The following DSG4 variants were observed in gnomAD, a reference collection of about 807,000 sequenced individuals.
DSG4 encodes the protein desmoglein-4.
A neutral mutation model predicts 93.1 loss-of-function variants in DSG4; 87 were observed. The observed-to-expected ratio is 0.93, with a 90% CI of 0.79 to 1.12. The LOEUF is 1.12. Among genes scored for constraint, DSG4 ranks in the 50% most tolerant of loss-of-function variants. DSG4 has a pLI of 0.00. For missense variants in DSG4, 1,373 were observed against 1,285.7 expected, an observed-to-expected ratio of 1.07 and a Z score of -1.04; for synonymous variants, 432 against 452.9, an observed-to-expected ratio of 0.95 and a Z score of 0.59.
rs145443659 is a variant in DSG4 at position 31,388,371 on chromosome 18, G to A, written c.221G>A (p.Arg74Gln). The A allele has an allele frequency of 6.2e-6, 10 of 1,612,836 alleles. No homozygotes were observed. Among genetic ancestry groups the A allele is most frequent in the Admixed American group, 1.7e-5 (1 of 59,918 alleles). ...TCCTAGCTATTTTTCTTATAGATTC[G>A]ATCAGACTGCGAATCGAACCAGAAG... Reference protein sequence around the residue: ...NSKRNPIAKIRSDCESNQKIT... With the variant: ...NSKRNPIAKIQSDCESNQKIT... Residue 74 changes from arginine (R) to glutamine (Q), a missense_variant, in exon 4 of 16, where the codon CGA becomes CAA. Physicochemically the swap from Arg to Gln is conservative, Grantham distance 43 (BLOSUM62 1). Transcript: ENST00000308128.
At chr18:31,397,469 G>A (rs2144191399) in intron 8 of DSG4, among the ~76,000 whole-genome samples, 1 of 152,152 alleles carries the variant, frequency 6.6e-6, no homozygotes, top group East Asian at 1.9e-4. Flanking sequence ...AGAAAATCCT[G>A]ACTAAAGGGC....
chr18:31,411,245 A>C lies in DSG4; in HGVS notation c.2152A>C (p.Thr718Pro). ...TCCCTTTTCAGAAATCTACACCAAC[A>C]CCTATGCAGCCGGGGGCACGGTGGA... is the stretch of plus-strand genomic sequence containing the variant. Reference protein sequence around the residue: ...RMDSSEIYTNTYAAGGTVEGG... With the variant: ...RMDSSEIYTNPYAAGGTVEGG... Residue 718 changes from threonine to proline, a missense_variant, in exon 15 of 16, where the codon ACC becomes CCC. Transcript: ENST00000308128. 1 of 1,613,646 alleles carries C rather than the reference A, an allele frequency of 6.2e-7. No individual in the cohort carries two copies.
intron 14 of DSG4, among the ~76,000 whole-genome samples, chr18:31,410,272 A>C (rs2072471936): frequency 6.6e-6 from 1 of 152,032 alleles, no homozygotes; most frequent in Admixed American, 6.6e-5. Context: ...CTTATCTTTA[A>C]AATTGAGCTT....
chr18:31,414,139 C>A lies in DSG4; in HGVS notation c.*544C>A, dbSNP rs886749761. The A allele has an allele frequency of 2.0e-5, 3 of 152,524 alleles. No individual in the cohort carries two copies. The highest frequency in any genetic ancestry group is 7.2e-5 in the African/African-American group (3 of 41,384). The allele number at this position is 152,524 out of a possible 1,614,324, so 9.4% of individuals were successfully genotyped here. A position where few individuals can be genotyped will look rare whatever the true frequency, so the allele number is the denominator to read the frequency against. On this transcript the variant is annotated 3_prime_UTR_variant, in exon 16 of 16. Coordinates refer to ENST00000308128, the MANE Select transcript of DSG4 (RefSeq NM_177986.5). ...CTTCAAAAGATTTTTCAATATTATGCGCTATTAAGCAATAGGAGATGCTTA... is the reference window on the plus strand; with the variant it reads ...CTTCAAAAGATTTTTCAATATTATGAGCTATTAAGCAATAGGAGATGCTTA...
Position 31,385,157 on chromosome 18 carries a change from G to GA in DSG4, c.72dup (p.Phe25IlefsTer4). 6.3e-7 allele frequency: 1 copy of GA among 1,595,534 alleles called. No homozygotes were observed. The highest frequency in any genetic ancestry group is 8.6e-7 in the Non-Finnish European group (1 of 1,168,484). On this transcript the variant is annotated frameshift_variant, in exon 2 of 16. Coordinates refer to ENST00000308128, the MANE Select transcript of DSG4 (RefSeq NM_177986.5). LOFTEE classifies it high-confidence loss of function. ...ACAGGTGGTGATGGAAGTAAACAGT[G>GA]AATTTATTGTTGAGGTAATGTAAAA...
chr18:31,396,381 T>TTTTG (rs2072305952), intron 8 of DSG4, among the ~76,000 whole-genome samples: 1 of 141,868 alleles, frequency 7.0e-6, no homozygotes, highest in African/African-American at 2.7e-5. Context: ...TTTTTTTTTT[T>TTTTG]GAGACAGAGT....
rs752695249 is a variant in DSG4, at chr18:31,406,148, G to T, written c.1708G>T (p.Asp570Tyr). The T allele has an allele frequency of 1.2e-6, 2 of 1,614,092 alleles. No homozygotes were observed. Among genetic ancestry groups the T allele is most frequent in the Non-Finnish European group, 1.7e-6 (2 of 1,180,020 alleles). Residue 570 changes from aspartate (D) to tyrosine (Y), a missense_variant, in exon 12 of 16, where the codon GAC becomes TAC. Physicochemically the swap from Asp to Tyr is radical, Grantham distance 160 (BLOSUM62 -3). Transcript: ENST00000308128. ...GFYEIPILVK[D>Y]SYNRACELAQ... ...TTATGAAATCCCAATCCTGGTGAAG[G>T]ACAGCTATAACAGAGCATGTGAATT...
chr18:31,380,364 A>G (rs1030252373), intron 1 of DSG4, among the ~76,000 whole-genome samples: 2 of 152,192 alleles, frequency 1.3e-5, no homozygotes, highest in Non-Finnish European at 2.9e-5. Flanking sequence ...AGTTCCGTAT[A>G]GAGCAATGAA....
At position 31,391,241 on chromosome 18, in the gene DSG4, C is replaced by CCATAAGTGTCAATAATCAATTTG. The variant is rs754409805; in HGVS notation, c.819+50_819+72dup. 142 of 1,612,584 alleles carry CCATAAGTGTCAATAATCAATTTG rather than the reference C, an allele frequency of 8.8e-5. No homozygotes were observed. The African/African-American group carries it at 1.6e-3, about 18-fold the overall frequency. Reference sequence around the variant, plus strand: ...AGTTTGTATTCTTATCTTCCTTTTTCCATAAGTGTCAATAATCAATTTGCA... The same window carrying CCATAAGTGTCAATAATCAATTTG: ...AGTTTGTATTCTTATCTTCCTTTTTCCATAAGTGTCAATAATCAATTTGCATAAGTGTCAATAATCAATTTGCA... On this transcript the variant is annotated intron_variant, in intron 7 of 15. Coordinates refer to ENST00000308128, the MANE Select transcript of DSG4 (RefSeq NM_177986.5).
intron 1 of DSG4, among the ~76,000 whole-genome samples, chr18:31,383,974 T>C (rs963067667): frequency 6.6e-6 from 1 of 152,166 alleles, no homozygotes; most frequent in African/African-American, 2.4e-5. Context: ...GATGATAAAT[T>C]GCCTTATAGA....
In DSG4 at chr18:31,399,528, C is replaced by G. The variant is rs1385849150; in HGVS notation, c.1262C>G (p.Pro421Arg). The G allele has an allele frequency of 6.2e-7, 1 of 1,613,942 alleles. No individual in the cohort carries two copies. The highest frequency in any genetic ancestry group is 1.3e-5 in the African/African-American group (1 of 75,030). Residue 421 changes from proline (P) to arginine (R), a missense_variant, in exon 9 of 16, where the codon CCT becomes CGT. Physicochemically the swap from Pro to Arg is moderately radical, Grantham distance 103. Coordinates refer to ENST00000308128, the MANE Select transcript of DSG4 (RefSeq NM_177986.5). ...GCCATAGATTTGGACACAGGAAACC[C>G]TGCAACAGATGTCAGGTACTGCAAC... Reference protein sequence around the residue: ...YTAIDLDTGNPATDVRYIIGH... With the variant: ...YTAIDLDTGNRATDVRYIIGH...
At chr18:31,409,067 G>A (rs1040852674) in intron 12 of DSG4, among the ~76,000 whole-genome samples, 3 of 152,214 alleles carry the variant, frequency 2.0e-5, no homozygotes, top group African/African-American at 7.2e-5. Context: ...AGGTCCTATA[G>A]CTGAATCCTG....
chr18:31,386,855 G>A (rs1414372690), intron 3 of DSG4, 36 bp downstream of exon 3: 1 of 1,611,824 alleles, frequency 6.2e-7, no homozygotes, highest in South Asian at 1.1e-5. Flanking sequence ...AAATGCTTTT[G>A]CAGAGCAGGG....
At chr18:31,390,967 T>C (rs2072242136) in intron 6 of DSG4, 111 bp from the exon 7 acceptor site, 2 of 1,517,198 alleles carry the variant, frequency 1.3e-6, no homozygotes, top group African/African-American at 1.4e-5. Flanking sequence ...CTCAATTATA[T>C]AAATTTCATT....
chr18:31,411,189 AG>A, intron 14 of DSG4, 41 bp from the exon 15 acceptor site: 1 of 1,614,276 alleles, frequency 6.2e-7, no homozygotes, highest in Non-Finnish European at 8.5e-7. Flanking sequence ...TGCGCGCTGC[AG>A]GCAACTCCAG....
At position 31,413,281 on chromosome 18, in the gene DSG4, G is replaced by A. The variant is rs143509440; in HGVS notation, c.2809G>A (p.Glu937Lys). 2.0e-5 allele frequency: 32 copies of A among 1,613,980 alleles called. No homozygotes were observed. The highest frequency in any genetic ancestry group is 1.9e-4 in the African/African-American group (14 of 74,906). The change falls in exon 16 of 16, where the codon GAA becomes AAA. Residue 937 changes from glutamate (E) to lysine (K), a missense_variant. Physicochemically the swap from Glu to Lys is moderately conservative, Grantham distance 56. Transcript: ENST00000308128. The part of the protein sequence containing the change: ...PQLAPNVVVT[E>K]AVMAPVYDIQ... ...GCTTGCACCCAATGTTGTAGTAACC[G>A]AAGCAGTAATGGCACCTGTCTATGA...
In DSG4 at chr18:31,391,155, CTG is replaced by C. The variant is rs1568064412; in HGVS notation, c.764_765del (p.Cys255Ter). 1 of 1,613,764 alleles carries C rather than the reference CTG, an allele frequency of 6.2e-7. No individual in the cohort carries two copies. Among genetic ancestry groups the C allele is most frequent in the Non-Finnish European group, 8.5e-7 (1 of 1,179,758 alleles). ...AADGLSSECD[C>X]RIKVLDVNDN... The stretch of plus-strand genomic sequence containing the variant: ...CAGATGGACTGTCTTCTGAGTGTGA[CTG>C]TAGAATCAAGGTTTTAGACGTCAAC... On this transcript the variant is annotated frameshift_variant, in exon 7 of 16. Transcript: ENST00000308128. LOFTEE classifies it high-confidence loss of function.
intron 12 of DSG4, among the ~76,000 whole-genome samples, chr18:31,408,770 C>T (rs571893715): frequency 1.3e-5 from 2 of 152,226 alleles, no homozygotes; most frequent in South Asian, 4.2e-4. Flanking sequence ...CCAGAGTGGG[C>T]CCAAAGAACT....
intron 8 of DSG4, among the ~76,000 whole-genome samples, chr18:31,396,708 A>G (rs949081385): frequency 6.6e-6 from 1 of 152,156 alleles, no homozygotes; most frequent in African/African-American, 2.4e-5. Context: ...ACAAATAGCT[A>G]GTCTCAATTT....
Sources: allele counts gnomAD v4.1 joint callset (sites outside exome capture counted in the v4.1 genomes callset), GRCh38; gene constraint gnomAD v4.1.1; transcripts MANE v1.5; gene names NCBI Gene and HGNC (gene_info 2026-07-23, HGNC 2026-07-21).